Variants in ESRRG observed in about 807,000 individuals in gnomAD.
The protein encoded by ESRRG is estrogen-related receptor gamma.
A neutral mutation model predicts 44.0 loss-of-function variants in ESRRG; 13 were observed. That is an observed-to-expected ratio of 0.30 (90% CI 0.19 to 0.47). The LOEUF (loss-of-function observed/expected upper bound fraction) is 0.47, where lower values mean the gene tolerates loss of function less well. ESRRG is among the 20% of genes least tolerant of loss of function. ESRRG has a pLI of 1.00. For synonymous variants in ESRRG, 215 were observed against 214.6 expected (o/e 1.00, Z -0.02); for missense variants, 395 against 580.6 (o/e 0.68, Z 3.29).
chr1:216,516,925 T>C lies in ESRRG; in HGVS notation c.1132+2227A>G, dbSNP rs562619211. 2.0e-5 allele frequency among the ~76,000 whole-genome samples: 3 copies of C among 152,170 alleles called. No individual in the cohort carries two copies. In the South Asian group the frequency reaches 6.2e-4, roughly 32 times the overall value. On this transcript the variant is annotated intron_variant, in intron 6 of 6. Transcript: ENST00000408911. ...CTGAGTTGTTTACCCCAAACTAAAATGATGGGGCTTGCAGGTTAGGTGGGT... is the reference window on the plus strand; with the variant it reads ...CTGAGTTGTTTACCCCAAACTAAAACGATGGGGCTTGCAGGTTAGGTGGGT...
rs71161437 is a variant in ESRRG at position 216,522,255 on chromosome 1, C to CT, written c.863-2835dup. Among the ~76,000 whole-genome samples, 93 of 29,288 alleles carry CT rather than the reference C, an allele frequency of 3.2e-3. 5 individuals are homozygous for CT. Among genetic ancestry groups the CT allele is most frequent in the African/African-American group, 0.01 (70 of 6,798 alleles). The allele number at this position is 29,288 out of a possible 152,430, so 19.2% of individuals were successfully genotyped here. A position where few individuals can be genotyped will look rare whatever the true frequency, so the allele number is the denominator to read the frequency against. ...GAAAAAAGGGGAAGAAACAGCTCTC[C>CT]TTTTTTTTTTTTTTTTTTTTTTTTT... On this transcript the variant is annotated intron_variant, in intron 5 of 6. Transcript: ENST00000408911.
chr1:216,745,854 T>A (rs1031671119), intron 2 of ESRRG, among the ~76,000 whole-genome samples: 1 of 152,238 alleles, frequency 6.6e-6, no homozygotes, highest in African/African-American at 2.4e-5. Context: ...AGAAGGCAAT[T>A]ATCTATGTAT....
intron 2 of ESRRG, among the ~76,000 whole-genome samples, chr1:216,908,618 T>C (rs1445231189): frequency 1.3e-5 from 2 of 152,208 alleles, no homozygotes; most frequent in Non-Finnish European, 2.9e-5. Context: ...TTATACCATA[T>C]GTCTTTGTGA....
chr1:216,857,572 G>A (rs541041649), intron 2 of ESRRG, among the ~76,000 whole-genome samples: 1 of 151,714 alleles, frequency 6.6e-6, no homozygotes, highest in East Asian at 1.9e-4. Context: ...CTTTAAAAAT[G>A]CACACAATAT....
rs143608915 is a variant in ESRRG, at chr1:216,783,376, T to C, written c.-13-105885A>G. On this transcript the variant is annotated intron_variant, in intron 2 of 7. Transcript: ENST00000359162. The stretch of plus-strand genomic sequence containing the variant: ...TTAGCTGCACAATTACTAGCATTAA[T>C]ATACATAGCAACAGTATAATCTGCC... Among the ~76,000 whole-genome samples, 893 of 152,208 alleles carry C rather than the reference T, an allele frequency of 5.9e-3. 8 individuals carry two copies. The highest frequency in any genetic ancestry group is 0.02 in the African/African-American group (838 of 41,556).
intron 3 of ESRRG, among the ~76,000 whole-genome samples, chr1:216,647,160 G>T (rs1340016595): frequency 6.6e-6 from 1 of 152,046 alleles, no homozygotes; most frequent in Non-Finnish European, 1.5e-5. Flanking sequence ...ACCTTGATTA[G>T]TTCTTGTTAT....
intron 1 of ESRRG, among the ~76,000 whole-genome samples, chr1:216,708,353 A>G (rs1205136845): frequency 2.0e-5 from 3 of 152,148 alleles, no homozygotes; most frequent in Non-Finnish European, 4.4e-5. Context: ...CAAAATTTTA[A>G]TTTTTTACAT....
chr1:216,757,691 C>A (rs1239484326), intron 2 of ESRRG, among the ~76,000 whole-genome samples: 1 of 152,016 alleles, frequency 6.6e-6, no homozygotes, highest in Non-Finnish European at 1.5e-5. Flanking sequence ...ACCTTTCTAT[C>A]TCAGGTATTA....
intron 1 of ESRRG, among the ~76,000 whole-genome samples, chr1:217,030,808 A>T (rs1194319108): frequency 1.3e-5 from 2 of 152,246 alleles, no homozygotes; most frequent in Non-Finnish European, 2.9e-5. Flanking sequence ...GTACCTCCAA[A>T]GTGCAAAAAT....
At chr1:217,058,619 T>G (rs146407076) in intron 1 of ESRRG, among the ~76,000 whole-genome samples, 51 of 152,018 alleles carry the variant, frequency 3.4e-4, no homozygotes, top group African/African-American at 1.2e-3. Flanking sequence ...ATGCAAAAAA[T>G]TGTTGTAATG....
intron 2 of ESRRG, among the ~76,000 whole-genome samples, chr1:216,821,330 C>A (rs2095282298): frequency 6.6e-6 from 1 of 151,992 alleles, no homozygotes; most frequent in Non-Finnish European, 1.5e-5. Context: ...ATATTTTACC[C>A]ATCCCACTGA....
At chr1:216,908,742 T>C (rs1021722154) in intron 2 of ESRRG, among the ~76,000 whole-genome samples, 3 of 150,984 alleles carry the variant, frequency 2.0e-5, no homozygotes, top group African/African-American at 7.3e-5. Context: ...CATAACAGAA[T>C]AGTGAGACCT....
At chr1:216,831,802 G>C (rs1287442369) in intron 2 of ESRRG, among the ~76,000 whole-genome samples, 1 of 113,596 alleles carries the variant, frequency 8.8e-6, no homozygotes, top group Non-Finnish European at 2.3e-5. Flanking sequence ...TGTGGGGCCT[G>C]GTCAGAAATG....
intron 1 of ESRRG, among the ~76,000 whole-genome samples, chr1:217,011,232 T>C (rs1201389012): frequency 6.6e-6 from 1 of 152,250 alleles, no homozygotes; most frequent in African/African-American, 2.4e-5. Flanking sequence ...CAAGTGAATG[T>C]GATTTATAAA....
chr1:216,803,752 A>C (rs1367972830), intron 2 of ESRRG, among the ~76,000 whole-genome samples: 1 of 151,914 alleles, frequency 6.6e-6, no homozygotes, highest in Non-Finnish European at 1.5e-5. Context: ...TTTAAAAACT[A>C]TTCCTACTTT....
chr1:217,033,974 G>A (rs1417147908), intron 1 of ESRRG, among the ~76,000 whole-genome samples: 1 of 152,154 alleles, frequency 6.6e-6, no homozygotes, highest in African/African-American at 2.4e-5. Flanking sequence ...CCAGAGCTCA[G>A]TTTCTGAAAC....
chr1:217,074,155 C>T (rs1329676092), intron 1 of ESRRG, among the ~76,000 whole-genome samples: 2 of 150,990 alleles, frequency 1.3e-5, no homozygotes, highest in East Asian at 2.0e-4. Context: ...TCAAGCAATT[C>T]TCCTGCCTCA....
At chr1:216,704,747 T>C (rs762449106) in intron 1 of ESRRG, among the ~76,000 whole-genome samples, 1 of 152,080 alleles carries the variant, frequency 6.6e-6, no homozygotes, top group African/African-American at 2.4e-5. Context: ...TAATCTATAA[T>C]GTAAAAATTG....
At chr1:216,820,003 G>C (rs2148593494) in intron 2 of ESRRG, among the ~76,000 whole-genome samples, 1 of 152,310 alleles carries the variant, frequency 6.6e-6, no homozygotes, top group Non-Finnish European at 1.5e-5. Context: ...TGGCAGAGGA[G>C]AGAAGAAGCG....
Sources: gnomAD v4.1 joint callset for allele counts (sites outside exome capture counted in the v4.1 genomes callset) on GRCh38, gnomAD v4.1.1 for gene constraint, MANE v1.5 for transcripts, NCBI Gene and HGNC (gene_info 2026-07-23, HGNC 2026-07-21) for gene names.